The following RBM27 variants were observed in gnomAD, a reference collection of about 807,000 sequenced individuals.
The protein encoded by RBM27 is RNA-binding protein 27.
RBM27 carries 22 observed loss-of-function variants against 135.3 expected under a neutral mutation model. The observed-to-expected ratio is 0.16, with a 90% CI of 0.12 to 0.23. RBM27 has a LOEUF of 0.23. RBM27 is among the 10% of genes least tolerant of loss of function. The pLI is 1.00. For missense variants in RBM27, 1,009 were observed against 1,281.0 expected, an observed-to-expected ratio of 0.79 and a Z score of 3.24; for synonymous variants, 481 against 442.4, an observed-to-expected ratio of 1.09 and a Z score of -1.10.
In RBM27 at chr5:146,286,263, G is replaced by T. The variant is rs1041106560; in HGVS notation, c.*233G>T. 3 of 353,726 alleles carry T rather than the reference G, an allele frequency of 8.5e-6. No individual in the cohort carries two copies. Among genetic ancestry groups the T allele is most frequent in the African/African-American group, 4.3e-5 (2 of 46,768 alleles). The allele number at this position is 353,726 out of a possible 1,614,324, so 21.9% of individuals were successfully genotyped here. A position where few individuals can be genotyped will look rare whatever the true frequency, so the allele number is the denominator to read the frequency against. ...TTGTGAAGATCCACAGCAATGACAT[G>T]GATAATCTCTAGAGCCTTATTTTCC... On this transcript the variant is annotated 3_prime_UTR_variant, in exon 21 of 21. Coordinates refer to ENST00000265271, the MANE Select transcript of RBM27 (RefSeq NM_018989.2).
chr5:146,226,024 C>T (rs1756659344), intron 3 of RBM27, among the ~76,000 whole-genome samples: 1 of 99,492 alleles, frequency 1.0e-5, no homozygotes, highest in African/African-American at 3.9e-5. Context: ...ACCAAGCCTG[C>T]CTAATTTTTT....
intron 11 of RBM27, among the ~76,000 whole-genome samples, chr5:146,259,886 T>C (rs1758307566): frequency 1.5e-5 from 2 of 136,328 alleles, no homozygotes; most frequent in Admixed American, 8.5e-5. Flanking sequence ...GGCAGGAGAA[T>C]GGCGTGAACC....
At chr5:146,240,678 G>A (rs1442244050) in intron 8 of RBM27, among the ~76,000 whole-genome samples, 2 of 152,012 alleles carry the variant, frequency 1.3e-5, no homozygotes, top group African/African-American at 2.4e-5. Flanking sequence ...GTTACATAAT[G>A]ACATATACTT....
intron 3 of RBM27, 26 bp downstream of exon 3, chr5:146,223,553 T>C (rs376874093): frequency 2.3e-5 from 36 of 1,590,402 alleles, no homozygotes; most frequent in Non-Finnish European, 2.8e-5. Flanking sequence ...TCTCCTGCTT[T>C]TGGGGGCTTC....
intron 8 of RBM27, among the ~76,000 whole-genome samples, chr5:146,249,027 A>G (rs1757762009): frequency 6.6e-6 from 1 of 152,068 alleles, no homozygotes; most frequent in South Asian, 2.1e-4. Context: ...CTGTCACCTA[A>G]GCTGGAGTAC....
intron 2 of RBM27, among the ~76,000 whole-genome samples, chr5:146,221,003 G>A (rs1756440054): frequency 6.6e-6 from 1 of 151,972 alleles, no homozygotes; most frequent in Admixed American, 6.6e-5. Flanking sequence ...GGATCATGAG[G>A]TCAGGAGATT....
At position 146,269,564 on chromosome 5, in the gene RBM27, A is replaced by G. The variant is rs781063145; in HGVS notation, c.2671A>G (p.Lys891Glu). 3 of 1,546,794 alleles carry G rather than the reference A, an allele frequency of 1.9e-6. No homozygotes were observed. Among genetic ancestry groups the G allele is most frequent in the Non-Finnish European group, 1.7e-6 (2 of 1,157,194 alleles). Residue 891 changes from lysine to glutamate, a missense_variant, in exon 17 of 21, where the codon AAA becomes GAA. This residue lies in a region of RBM27 where 355 missense variants were observed against 427.3 expected (regional missense o/e 0.83). Coordinates refer to ENST00000265271, the MANE Select transcript of RBM27 (RefSeq NM_018989.2). ...KTSSAVSTPS[K>E]VKTKTEAQKE... ...ATCTTCTGCAGTCTCCACACCATCTAAAGTGAAGACAAAAACGGAGGTATC... is the reference window on the plus strand; with the variant it reads ...ATCTTCTGCAGTCTCCACACCATCTGAAGTGAAGACAAAAACGGAGGTATC...
In RBM27 at chr5:146,233,581, C is replaced by G. The variant is rs746835816; in HGVS notation, c.982C>G (p.Pro328Ala). Residue 328 changes from proline (P) to alanine (A), a missense_variant, in exon 7 of 21, where the codon CCT (proline) becomes GCT (alanine). Pro to Ala is a conservative substitution (Grantham distance 27). Around this residue, in one of 6 missense-constraint regions of RBM27, gnomAD observed 329 missense variants for 368.1 expected, o/e 0.89. Coordinates refer to ENST00000265271, the MANE Select transcript of RBM27 (RefSeq NM_018989.2). ...TCCTCCTGGGCTTCCTCCTCCACCA[C>G]CTCCTGGAATGTTAATGCCTCCAAT... ...PPPPGLPPPP[P>A]PGMLMPPMPG... The G allele has an allele frequency of 6.2e-7, 1 of 1,612,814 alleles. No homozygotes were observed. The highest frequency in any genetic ancestry group is 1.7e-5 in the Admixed American group (1 of 59,894).
At chr5:146,230,124 A>G (rs893485540) in intron 5 of RBM27, among the ~76,000 whole-genome samples, 1 of 152,236 alleles carries the variant, frequency 6.6e-6, no homozygotes, top group Non-Finnish European at 1.5e-5. Context: ...GAGCTATTCA[A>G]GTGTATCATT....
chr5:146,204,922 A>C (rs1005316332), intron 1 of RBM27, among the ~76,000 whole-genome samples: 1 of 152,006 alleles, frequency 6.6e-6, no homozygotes, highest in Non-Finnish European at 1.5e-5. Context: ...TTTTGAAACA[A>C]TGTCTCGCTG....
At chr5:146,214,124 T>C (rs1413488583) in intron 1 of RBM27, among the ~76,000 whole-genome samples, 1 of 152,252 alleles carries the variant, frequency 6.6e-6, no homozygotes, top group Non-Finnish European at 1.5e-5. Context: ...ACAGATGTGC[T>C]GTCTGCCTGA....
intron 1 of RBM27, among the ~76,000 whole-genome samples, chr5:146,213,286 G>C (rs1756047597): frequency 6.6e-6 from 1 of 152,220 alleles, no homozygotes; most frequent in East Asian, 1.9e-4. Context: ...ATTTTTAGTA[G>C]AGATGGGGTT....
intron 2 of RBM27, among the ~76,000 whole-genome samples, chr5:146,220,218 C>A (rs1322041391): frequency 6.6e-6 from 1 of 152,136 alleles, no homozygotes; most frequent in South Asian, 2.1e-4. Flanking sequence ...TGGCTTACGC[C>A]TGTAATCCCA....
Position 146,271,465 on chromosome 5 carries a change from CT to C in RBM27, c.2797-13del. ...GTCTAATAATGTATGCTACATTCTA[CT>C]TTTTGTTGTTATTCAGGCTGCACGG... On this transcript the variant is annotated splice_polypyrimidine_tract_variant and intron_variant, in intron 18 of 20. Coordinates refer to ENST00000265271, the MANE Select transcript of RBM27 (RefSeq NM_018989.2). 6.3e-7 allele frequency: 1 copy of C among 1,577,958 alleles called. No homozygotes were observed. Among genetic ancestry groups the C allele is most frequent in the Non-Finnish European group, 8.7e-7 (1 of 1,152,292 alleles).
At chr5:146,236,374 A>G (rs1318821505) in intron 7 of RBM27, among the ~76,000 whole-genome samples, 1 of 152,196 alleles carries the variant, frequency 6.6e-6, no homozygotes, top group Non-Finnish European at 1.5e-5. Flanking sequence ...TGAATTCTGT[A>G]GAACTTTACC....
intron 8 of RBM27, among the ~76,000 whole-genome samples, chr5:146,245,551 CTG>C (rs745959903): frequency 3.3e-5 from 5 of 152,124 alleles, no homozygotes; most frequent in African/African-American, 4.8e-5. Flanking sequence ...TTCCTACTAA[CTG>C]TATAAAATTG....
intron 8 of RBM27, chr5:146,245,136 G>A (rs1289017712): frequency 6.6e-6 from 1 of 152,060 alleles, no homozygotes; most frequent in Non-Finnish European, 1.5e-5. Flanking sequence ...CAGAATGCTG[G>A]GATTACAGAC....
intron 4 of RBM27, 134 bp downstream of exon 4, chr5:146,229,171 C>T: frequency 1.5e-6 from 1 of 648,868 alleles, no homozygotes. Context: ...TGTTACCTTT[C>T]TTCCTTTCAT....
intron 19 of RBM27, among the ~76,000 whole-genome samples, chr5:146,278,532 A>C (rs946932249): frequency 2.0e-5 from 3 of 152,122 alleles, no homozygotes; most frequent in African/African-American, 7.2e-5. Context: ...TCTCTCTTTT[A>C]TAAAAATGGT....
Sources: allele counts gnomAD v4.1 joint callset (sites outside exome capture counted in the v4.1 genomes callset), GRCh38; gene constraint gnomAD v4.1.1; regional missense constraint gnomAD v4.1.1; transcripts MANE v1.5; gene names NCBI Gene and HGNC (gene_info 2026-07-23, HGNC 2026-07-21).